Variants in UGT3A2 observed in about 807,000 individuals in gnomAD.
UGT3A2 encodes the protein UDP-glycosyltransferase 3A2.
In UGT3A2, 32 loss-of-function variants were observed where a neutral mutation model predicts 39.8. That is an observed-to-expected ratio of 0.80 (90% CI 0.61 to 1.08). The LOEUF (loss-of-function observed/expected upper bound fraction) is 1.08, where lower values mean the gene tolerates loss of function less well. Among genes scored for constraint, UGT3A2 ranks in the 50% least tolerant of loss-of-function variants. UGT3A2 has a pLI of 0.00. For missense variants in UGT3A2, 611 were observed against 637.1 expected, an observed-to-expected ratio of 0.96 and a Z score of 0.44; for synonymous variants, 241 against 230.7, an observed-to-expected ratio of 1.04 and a Z score of -0.40.
intron 2 of UGT3A2, among the ~76,000 whole-genome samples, chr5:36,063,077 A>G (rs1412227303): frequency 6.6e-6 from 1 of 152,112 alleles, no homozygotes; most frequent in Non-Finnish European, 1.5e-5. Flanking sequence ...CTGAACAATG[A>G]CAAGGCCTGA....
chr5:36,040,573 T>C (rs901380858), intron 4 of UGT3A2, among the ~76,000 whole-genome samples: 13 of 152,128 alleles, frequency 8.5e-5, no homozygotes, highest in African/African-American at 3.1e-4. Flanking sequence ...GCAGTGGAAG[T>C]CAGTGCTCTG....
At chr5:36,061,144 C>A (rs1469382704) in intron 2 of UGT3A2, among the ~76,000 whole-genome samples, 1 of 152,038 alleles carries the variant, frequency 6.6e-6, no homozygotes, top group Non-Finnish European at 1.5e-5. Flanking sequence ...TGCACTCCAA[C>A]CTGGGAGACA....
chr5:36,049,836 A>G (rs1200542055), intron 3 of UGT3A2, among the ~76,000 whole-genome samples: 1 of 152,120 alleles, frequency 6.6e-6, no homozygotes, highest in Non-Finnish European at 1.5e-5. Context: ...TAACTTGATG[A>G]TAGAGTTTAT....
At chr5:36,058,344 T>C (rs1742577804) in intron 2 of UGT3A2, among the ~76,000 whole-genome samples, 1 of 152,126 alleles carries the variant, frequency 6.6e-6, no homozygotes, top group Non-Finnish European at 1.5e-5. Context: ...AAATAGAATA[T>C]GGTTATCAGG....
In UGT3A2 at chr5:36,039,479, A is replaced by C; in HGVS notation, c.1073T>G (p.Leu358Arg). Residue 358 changes from leucine (L) to arginine (R), a missense_variant and splice_region_variant, in exon 5 of 7, where the codon CTG (leucine) becomes CGG (arginine). Physicochemically the swap from Leu to Arg is moderately radical, Grantham distance 102. Coordinates refer to ENST00000282507, the MANE Select transcript of UGT3A2 (RefSeq NM_174914.4). ...IVDWLPQSDL[L>R]AHPSIRLFVT... The stretch of plus-strand genomic sequence containing the variant: ...GAGCAGTCCTGGGCAGCCCTTACCC[A>C]GGAGGTCACTCTGAGGAAGCCAGTC... 6 of 1,613,952 alleles carry C rather than the reference A, an allele frequency of 3.7e-6. No homozygotes were observed. The highest frequency in any genetic ancestry group is 5.1e-6 in the Non-Finnish European group (6 of 1,180,008).
intron 2 of UGT3A2, among the ~76,000 whole-genome samples, chr5:36,060,347 T>A (rs1346583261): frequency 6.6e-6 from 1 of 152,194 alleles, no homozygotes; most frequent in African/African-American, 2.4e-5. Context: ...CTGTTTCTCA[T>A]AAAATGCAGA....
chr5:36,052,642 C>T (rs1471670326), intron 2 of UGT3A2, among the ~76,000 whole-genome samples: 1 of 152,106 alleles, frequency 6.6e-6, no homozygotes, highest in Non-Finnish European at 1.5e-5. Context: ...TCAGCCCATC[C>T]TACCCCTCCT....
chr5:36,062,405 G>C (rs192193590), intron 2 of UGT3A2, among the ~76,000 whole-genome samples: 32 of 152,210 alleles, frequency 2.1e-4, no homozygotes, highest in African/African-American at 6.7e-4. Flanking sequence ...AATCCATCTT[G>C]AATTGATTTT....
At chr5:36,063,717 A>G (rs986953097) in intron 2 of UGT3A2, among the ~76,000 whole-genome samples, 10 of 152,136 alleles carry the variant, frequency 6.6e-5, no homozygotes, top group African/African-American at 2.4e-4. Flanking sequence ...GCTCACTGCA[A>G]CTTCTGCCTC....
intron 3 of UGT3A2, among the ~76,000 whole-genome samples, chr5:36,049,698 C>CATCT (rs1742281525): frequency 6.6e-6 from 1 of 152,324 alleles, no homozygotes; most frequent in African/African-American, 2.4e-5. Context: ...CTCTGGGAGC[C>CATCT]ATCTCTCAGA....
chr5:36,042,603 T>C (rs1454983109), intron 4 of UGT3A2, among the ~76,000 whole-genome samples: 2 of 151,760 alleles, frequency 1.3e-5, no homozygotes, highest in East Asian at 3.9e-4. Flanking sequence ...AGTGATTGAA[T>C]GAATAAAAAA....
At chr5:36,057,517 TTC>T (rs148807603) in intron 2 of UGT3A2, among the ~76,000 whole-genome samples, 57 of 149,800 alleles carry the variant, frequency 3.8e-4, no homozygotes, top group African/African-American at 1.2e-3. Flanking sequence ...TTTCAGTAGT[TTC>T]TCTCTCTCTC....
At position 36,064,325 on chromosome 5, in the gene UGT3A2, G is replaced by T. The variant is rs376751323; in HGVS notation, c.120C>A (p.Asp40Glu). The T allele has an allele frequency of 3.5e-5, 56 of 1,614,026 alleles. No homozygotes were observed. The highest frequency in any genetic ancestry group is 4.5e-5 in the Non-Finnish European group (53 of 1,180,042). Residue 40 changes from aspartate to glutamate, a missense_variant, in exon 2 of 7, where the codon GAC becomes GAA. Asp to Glu is a conservative substitution (Grantham distance 45). Coordinates refer to ENST00000282507, the MANE Select transcript of UGT3A2 (RefSeq NM_174914.4). The part of the protein sequence containing the change: ...TVGGSHYLLM[D>E]RVSQILQDHG... ...GATCTTGAAGAATCTGAGAAACCCG[G>T]TCCATCAGTAGATAATGGCTTCCAC... is the stretch of plus-strand genomic sequence containing the variant.
chr5:36,035,309 G>A lies in UGT3A2; in HGVS notation c.*389C>T, dbSNP rs1370375740. 8.5e-6 allele frequency: 2 copies of A among 235,388 alleles called. No individual in the cohort carries two copies. Among genetic ancestry groups the A allele is most frequent in the Admixed American group, 5.0e-5 (1 of 19,936 alleles). The allele number at this position is 235,388 out of a possible 1,614,324, so 14.6% of individuals were successfully genotyped here. Reference sequence around the variant, plus strand: ...GATAGTAGGGGCAGGAGTGAGAGAGGCTGACTAGGTCTGGACATGGAGGCT... The same window carrying A: ...GATAGTAGGGGCAGGAGTGAGAGAGACTGACTAGGTCTGGACATGGAGGCT... On this transcript the variant is annotated 3_prime_UTR_variant, in exon 7 of 7. Transcript: ENST00000282507.
In UGT3A2 at chr5:36,062,810, C is replaced by T. The variant is rs143024740; in HGVS notation, c.196+1439G>A. 1.6e-3 allele frequency among the ~76,000 whole-genome samples: 251 copies of T among 152,238 alleles called. 1 individual carries two copies. The highest frequency in any genetic ancestry group is 5.6e-3 in the African/African-American group (234 of 41,552). On this transcript the variant is annotated intron_variant, in intron 2 of 6. Coordinates refer to ENST00000282507, the MANE Select transcript of UGT3A2 (RefSeq NM_174914.4). The stretch of plus-strand genomic sequence containing the variant: ...ATCCCAGCACTTTGGGAGGCCAAGG[C>T]AGGAGGATTACCTGAGGTCAGGAGT...
Position 36,064,391 on chromosome 5 carries a change from TAC to T in UGT3A2, c.95-43_95-42del, listed in dbSNP as rs780218799. 13 of 1,544,550 alleles carry T rather than the reference TAC, an allele frequency of 8.4e-6. No homozygotes were observed. The African/African-American group carries it at 1.6e-4, about 19-fold the overall frequency. ...AACTTCAGTTCTGGAATGATGAGAA[TAC>T]AGTGTCTGAAGTCAGTAGTGATCAA... On this transcript the variant is annotated intron_variant, in intron 1 of 6. Coordinates refer to ENST00000282507, the MANE Select transcript of UGT3A2 (RefSeq NM_174914.4).
chr5:36,044,249 G>A (rs611103), intron 4 of UGT3A2, among the ~76,000 whole-genome samples: 107,618 of 151,926 alleles, frequency 0.71, 39,317 homozygotes, highest in Non-Finnish European at 0.8. Flanking sequence ...ATATGATCAT[G>A]TCAATTGATG....
chr5:36,061,870 G>C (rs1044691564), intron 2 of UGT3A2, among the ~76,000 whole-genome samples: 2 of 151,534 alleles, frequency 1.3e-5, no homozygotes, highest in African/African-American at 4.9e-5. Flanking sequence ...GTGTAAAAGT[G>C]TTCCTATTTC....
intron 1 of UGT3A2, among the ~76,000 whole-genome samples, chr5:36,065,115 C>A (rs1742837886): frequency 6.6e-6 from 1 of 152,038 alleles, no homozygotes; most frequent in Non-Finnish European, 1.5e-5. Context: ...TCCACGAAAT[C>A]AATGTCTTCT....
Sources: gnomAD v4.1 joint callset for allele counts (sites outside exome capture counted in the v4.1 genomes callset) on GRCh38, gnomAD v4.1.1 for gene constraint, MANE v1.5 for transcripts, NCBI Gene and HGNC (gene_info 2026-07-23, HGNC 2026-07-21) for gene names.